The following THSD7A variants were observed in gnomAD, a reference collection of about 807,000 sequenced individuals.
THSD7A encodes the protein thrombospondin type-1 domain-containing protein 7A.
In THSD7A, 96 loss-of-function variants were observed where a neutral mutation model predicts 231.3. The ratio of observed to expected loss-of-function variants is 0.41; its 90% CI spans 0.35 to 0.49. The LOEUF (loss-of-function observed/expected upper bound fraction) is 0.49, where lower values mean the gene tolerates loss of function less well. Ranked by LOEUF, THSD7A falls within the 20% of genes least tolerant of loss-of-function variation. The pLI is 0.05. For synonymous variants in THSD7A, 940 were observed against 743.3 expected (o/e 1.26, Z -4.30); for missense variants, 2,290 against 2,070.2 (o/e 1.11, Z -2.06).
chr7:11,684,172 A>G (rs2128139914), intron 1 of THSD7A, among the ~76,000 whole-genome samples: 1 of 152,094 alleles, frequency 6.6e-6, no homozygotes. Context: ...TAAATTCAAT[A>G]AAACCCAACC....
chr7:11,370,812 A>T lies in THSD7A; in HGVS notation c.*4982T>A, dbSNP rs1357547518. 1 of 152,202 alleles carries T rather than the reference A, an allele frequency of 6.6e-6. No individual in the cohort carries two copies. The highest frequency in any genetic ancestry group is 1.5e-5 in the Non-Finnish European group (1 of 68,020). 9.4% of individuals were successfully genotyped at this position (152,202 alleles called of 1,614,324 possible). On this transcript the variant is annotated 3_prime_UTR_variant, in exon 28 of 28. Coordinates refer to ENST00000423059, the MANE Select transcript of THSD7A (RefSeq NM_015204.3). ...AATTTTAATAAAGTTATATTTTACAATGATAGATACTGATCTCTTCAAATC... is the reference window on the plus strand; with the variant it reads ...AATTTTAATAAAGTTATATTTTACATTGATAGATACTGATCTCTTCAAATC...
chr7:11,612,340 G>A (rs965776567), intron 2 of THSD7A, among the ~76,000 whole-genome samples: 1 of 152,182 alleles, frequency 6.6e-6, no homozygotes, highest in African/African-American at 2.4e-5. Context: ...AGATGAAGAG[G>A]TCTCATGGAA....
chr7:11,633,972 T>G (rs968838220), intron 2 of THSD7A, among the ~76,000 whole-genome samples: 3 of 152,188 alleles, frequency 2.0e-5, no homozygotes, highest in African/African-American at 4.8e-5. Context: ...AGTTCTTGAT[T>G]TGTGGCCCTG....
rs57852458 is a variant in THSD7A at position 11,597,969 on chromosome 7, G to A, written c.1023-4467C>T. ...ATGATCAGTTGACAGAGGAAGAGAA[G>A]ACTAGGGTCTGGTTCAAAGATGGTT... On this transcript the variant is annotated intron_variant, in intron 2 of 27. Transcript: ENST00000423059. Among the ~76,000 whole-genome samples the A allele has an allele frequency of 0.02, 3,022 of 152,246 alleles. 161 individuals carry two copies. In the East Asian group the frequency reaches 0.22, roughly 11 times the overall value.
intron 26 of THSD7A, chr7:11,378,036 T>C: frequency 6.6e-6 from 1 of 152,168 alleles, no homozygotes; most frequent in Admixed American, 6.6e-5. Context: ...ATCAGCTAAA[T>C]AAGCCAATTA....
rs1423993365 is a variant in THSD7A at position 11,447,404 on chromosome 7, C to G, written c.2626G>C (p.Asp876His). ...QARAITCRKQ[D>H]GGQAGIHECL... ...TCATGGATTCCAGCCTGTCCTCCAT[C>G]TTGCTTGCGACAAGTAATGGCTAAA... The change falls in exon 12 of 28, where the codon GAT (aspartate) becomes CAT (histidine). Residue 876 changes from aspartate (D) to histidine (H), a missense_variant. Physicochemically the swap from Asp to His is moderately conservative, Grantham distance 81. Transcript: ENST00000423059. The G allele has an allele frequency of 1.3e-6, 2 of 1,573,574 alleles. No homozygotes were observed. The highest frequency in any genetic ancestry group is 3.9e-5 in the Admixed American group (2 of 51,602).
chr7:11,664,658 A>T (rs1269817630), intron 1 of THSD7A, among the ~76,000 whole-genome samples: 1 of 151,974 alleles, frequency 6.6e-6, no homozygotes, highest in Non-Finnish European at 1.5e-5. Context: ...TGACAGATAC[A>T]TACTTTCCAA....
At chr7:11,756,327 T>G (rs1782674764) in intron 1 of THSD7A, among the ~76,000 whole-genome samples, 1 of 152,048 alleles carries the variant, frequency 6.6e-6, no homozygotes. Flanking sequence ...AGACTGGATG[T>G]GTATAGAAAA....
At chr7:11,466,326 T>C (rs1043748504) in intron 9 of THSD7A, among the ~76,000 whole-genome samples, 23 of 152,186 alleles carry the variant, frequency 1.5e-4, no homozygotes, top group African/African-American at 5.5e-4. Context: ...TTCAAAATGA[T>C]ACTTGGGTTA....
chr7:11,738,639 C>T (rs545128549), intron 1 of THSD7A, among the ~76,000 whole-genome samples: 10 of 151,924 alleles, frequency 6.6e-5, no homozygotes, highest in African/African-American at 1.2e-4. Flanking sequence ...GTCTCCTCCC[C>T]GCAATCCCTA....
At chr7:11,714,197 TATA>T (rs1243146434) in intron 1 of THSD7A, among the ~76,000 whole-genome samples, 1 of 151,220 alleles carries the variant, frequency 6.6e-6, no homozygotes, top group African/African-American at 2.4e-5. Flanking sequence ...AAAATAATAG[TATA>T]ATAAATTAAT....
At chr7:11,482,142 A>C (rs560559843) in intron 6 of THSD7A, among the ~76,000 whole-genome samples, 160 bp from the exon 7 acceptor site, 1 of 152,204 alleles carries the variant, frequency 6.6e-6, no homozygotes, top group African/African-American at 2.4e-5. Context: ...CCAGATGTTA[A>C]TAGAACACCA....
rs142518641 is a variant in THSD7A, at chr7:11,723,680, A to C, written c.191-86719T>G. Among the ~76,000 whole-genome samples, 402 of 151,952 alleles carry C rather than the reference A, an allele frequency of 2.6e-3. 1 individual carries two copies. The highest frequency in any genetic ancestry group is 9.0e-3 in the African/African-American group (375 of 41,490). ...TTTGCTTGAATATATTTAGGAGATC[A>C]GGAGGCTAGCCACTTATCTACATCA... On this transcript the variant is annotated intron_variant, in intron 1 of 27. Coordinates refer to ENST00000423059, the MANE Select transcript of THSD7A (RefSeq NM_015204.3).
rs764264310 is a variant in THSD7A at position 11,636,774 on chromosome 7, C to A, written c.378G>T (p.Leu126=). 5 of 1,613,988 alleles carry A rather than the reference C, an allele frequency of 3.1e-6. No homozygotes were observed. The African/African-American group carries it at 4.0e-5, about 13-fold the overall frequency. ...CGGGCTGACACTGATTCCAAGGTCC[C>A]AGTCTCCAGTCGTACAACTCTTTGT... ...DWHKELYDWR[L]GPWNQCQPVI... Residue 126 remains leucine (L), a synonymous_variant, in exon 2 of 28, where the codon CTG becomes CTT. Transcript: ENST00000423059. The surrounding 1 kb of genome is among the most constrained non-coding windows in gnomAD (Gnocchi z 10.0).
chr7:11,524,472 A>G (rs1015874351), intron 6 of THSD7A, among the ~76,000 whole-genome samples: 2 of 152,212 alleles, frequency 1.3e-5, no homozygotes, highest in Non-Finnish European at 2.9e-5. Flanking sequence ...GTGTATTTCA[A>G]CGAACCTTTA....
chr7:11,491,012 T>G (rs774437647), intron 6 of THSD7A, among the ~76,000 whole-genome samples: 38 of 152,098 alleles, frequency 2.5e-4, no homozygotes, highest in Non-Finnish European at 4.3e-4. Context: ...CAGAAATGGA[T>G]CTGCTCCATT....
At chr7:11,759,909 G>C (rs941619412) in intron 1 of THSD7A, among the ~76,000 whole-genome samples, 10 of 152,150 alleles carry the variant, frequency 6.6e-5, no homozygotes, top group Non-Finnish European at 1.5e-4. Context: ...ACCTAAAGAA[G>C]TTTGGAGAAA....
At chr7:11,738,561 T>A (rs1186741707) in intron 1 of THSD7A, among the ~76,000 whole-genome samples, 1 of 152,028 alleles carries the variant, frequency 6.6e-6, no homozygotes, top group Non-Finnish European at 1.5e-5. Context: ...TAAAGTTAAG[T>A]TTCTTAAATT....
intron 6 of THSD7A, among the ~76,000 whole-genome samples, chr7:11,485,772 A>G (rs1786631492): frequency 6.6e-6 from 1 of 152,192 alleles, no homozygotes; most frequent in African/African-American, 2.4e-5. Context: ...AGGCACTCTC[A>G]AGTTGTTTGT....
Sources: allele counts gnomAD v4.1 joint callset (sites outside exome capture counted in the v4.1 genomes callset), GRCh38; gene constraint gnomAD v4.1.1; non-coding constraint Gnocchi (gnomAD v3.1); transcripts MANE v1.5; gene names NCBI Gene and HGNC (gene_info 2026-07-23, HGNC 2026-07-21).